Variants in CPEB3 observed in about 807,000 individuals in gnomAD.
The protein encoded by CPEB3 is cytoplasmic polyadenylation element-binding protein 3.
CPEB3 carries 20 observed loss-of-function variants against 67.2 expected under a neutral mutation model. That is an observed-to-expected ratio of 0.30 (90% confidence interval 0.21 to 0.43). The LOEUF is 0.43. CPEB3 is among the 20% of genes least tolerant of loss of function. The probability of loss-of-function intolerance (pLI) is 1.00; values close to 1 mark genes in which losing one functional copy is unlikely to be tolerated. For synonymous variants in CPEB3, 376 were observed against 393.1 expected, an observed-to-expected ratio of 0.96 and a Z score of 0.51; for missense variants, 746 against 968.6, an observed-to-expected ratio of 0.77 and a Z score of 3.05.
chr10:92,239,305 G>A lies in CPEB3; in HGVS notation c.1005+41C>T, dbSNP rs766492956. ...AAGTCAGAGAAGTGGCAAAAGGAGCGGGGCAGAGGGAAGGAGTGTGTAGGT... is the reference window on the plus strand; with the variant it reads ...AAGTCAGAGAAGTGGCAAAAGGAGCAGGGCAGAGGGAAGGAGTGTGTAGGT... On this transcript the variant is annotated intron_variant, in intron 2 of 9. Transcript: ENST00000265997. The surrounding 1 kb of genome is among the most constrained non-coding windows in gnomAD (Gnocchi z 6.0). 1 of 1,577,418 alleles carries A rather than the reference G, an allele frequency of 6.3e-7. No individual in the cohort carries two copies.
At position 92,231,014 on chromosome 10, in the gene CPEB3, T is replaced by C. The variant is rs113568753; in HGVS notation, c.1005+8332A>G. On this transcript the variant is annotated intron_variant, in intron 2 of 9. Coordinates refer to ENST00000265997, the MANE Select transcript of CPEB3 (RefSeq NM_014912.5). Reference sequence around the variant, plus strand: ...ACCAACAAAATCAACCCAACCCTTATAGCAGTCAGAAAATTAAGAGTTTAA... The same window carrying C: ...ACCAACAAAATCAACCCAACCCTTACAGCAGTCAGAAAATTAAGAGTTTAA... Among the ~76,000 whole-genome samples the C allele has an allele frequency of 2.4e-3, 369 of 152,300 alleles. 2 individuals carry two copies. The highest frequency in any genetic ancestry group is 7.9e-3 in the African/African-American group (327 of 41,582).
intron 6 of CPEB3, among the ~76,000 whole-genome samples, chr10:92,116,262 AAAAAAT>A (rs1465955611): frequency 7.2e-6 from 1 of 138,784 alleles, no homozygotes; most frequent in Non-Finnish European, 1.6e-5. Flanking sequence ...TAAAAAAAAA[AAAAAAT>A]AATAATAATA....
chr10:92,119,232 CT>C, intron 6 of CPEB3: 1 of 1,580,326 alleles, frequency 6.3e-7, no homozygotes, highest in Non-Finnish European at 8.7e-7. Context: ...GTTTGTCACT[CT>C]TATCTCCAGC....
At chr10:92,083,171 CTATTTTTAACAGGAA>C (rs1197398812) in intron 8 of CPEB3, among the ~76,000 whole-genome samples, 2 of 152,136 alleles carry the variant, frequency 1.3e-5, no homozygotes, top group African/African-American at 4.8e-5. Context: ...TTCTAAGTGC[CTATTTTTAACAGGAA>C]GGACAACCTA....
At chr10:92,160,009 C>T (rs187180635) in intron 4 of CPEB3, among the ~76,000 whole-genome samples, 16 of 151,566 alleles carry the variant, frequency 1.1e-4, no homozygotes, top group Admixed American at 2.6e-4. Context: ...TGCAGTGGCA[C>T]GATCTCGGCT....
At chr10:92,269,432 T>G (rs2134976385) in intron 1 of CPEB3, among the ~76,000 whole-genome samples, 1 of 152,288 alleles carries the variant, frequency 6.6e-6, no homozygotes, top group Admixed American at 6.5e-5. Context: ...GAATATAGAG[T>G]ATTTTTATTA....
At chr10:92,101,792 CA>C (rs1289122731) in intron 7 of CPEB3, among the ~76,000 whole-genome samples, 1 of 152,114 alleles carries the variant, frequency 6.6e-6, no homozygotes, top group Non-Finnish European at 1.5e-5. Flanking sequence ...CCTGAAATCC[CA>C]GCTACTTAGG....
intron 8 of CPEB3, 119 bp from the exon 9 acceptor site, chr10:92,081,620 A>G: frequency 1.2e-6 from 1 of 855,604 alleles, no homozygotes; most frequent in Non-Finnish European, 1.8e-6. Context: ...AACCCATGTT[A>G]AGTATCATGA....
At chr10:92,098,160 T>TAAAAAAAAAAAA (rs1166249584) in intron 7 of CPEB3, among the ~76,000 whole-genome samples, 3 of 36,126 alleles carry the variant, frequency 8.3e-5, no homozygotes, top group African/African-American at 1.1e-4. Context: ...ACACTCTGCC[T>TAAAAAAAAAAAA]AAAAAAAAAA....
chr10:92,168,772 G>A (rs987103591), intron 4 of CPEB3, among the ~76,000 whole-genome samples: 6 of 145,634 alleles, frequency 4.1e-5, no homozygotes, highest in East Asian at 2.2e-4. Context: ...AGAGCTGTGA[G>A]TCAATTAAAC....
At chr10:92,207,390 C>G (rs1036300286) in intron 2 of CPEB3, among the ~76,000 whole-genome samples, 9 of 152,156 alleles carry the variant, frequency 5.9e-5, no homozygotes, top group African/African-American at 1.9e-4. Context: ...GAATAATTCT[C>G]AACCTGGAGA....
intron 5 of CPEB3, among the ~76,000 whole-genome samples, chr10:92,144,343 C>T (rs777903703): frequency 3.9e-5 from 6 of 152,122 alleles, no homozygotes; most frequent in Non-Finnish European, 7.4e-5. Flanking sequence ...ATGATCATAG[C>T]TCACTGTAAC....
intron 2 of CPEB3, among the ~76,000 whole-genome samples, chr10:92,207,169 G>A (rs1274778049): frequency 6.6e-6 from 1 of 152,034 alleles, no homozygotes; most frequent in Non-Finnish European, 1.5e-5. Flanking sequence ...TTTTTGTAGA[G>A]ACAGGGTTTT....
rs1202757248 is a variant in CPEB3 at position 92,242,244 on chromosome 10, C to T, written c.-11-1883G>A. On this transcript the variant is annotated intron_variant, in intron 1 of 9. Coordinates refer to ENST00000265997, the MANE Select transcript of CPEB3 (RefSeq NM_014912.5). Reference sequence around the variant, plus strand: ...ATTCCTCATTCCCCTGCCTTTCCTCCCTTCAACCCCCCCAGGGAAAAAAAC... The same window carrying T: ...ATTCCTCATTCCCCTGCCTTTCCTCTCTTCAACCCCCCCAGGGAAAAAAAC... Among the ~76,000 whole-genome samples, 10 of 152,274 alleles carry T rather than the reference C, an allele frequency of 6.6e-5. No individual in the cohort carries two copies. In the East Asian group the frequency reaches 9.6e-4, roughly 15 times the overall value.
At chr10:92,286,377 G>A (rs535062546) in intron 1 of CPEB3, among the ~76,000 whole-genome samples, 1 of 152,078 alleles carries the variant, frequency 6.6e-6, no homozygotes, top group South Asian at 2.1e-4. Flanking sequence ...TTGAGGTCAG[G>A]AGTTCAAGAC....
At chr10:92,277,678 G>C (rs1842050862) in intron 1 of CPEB3, among the ~76,000 whole-genome samples, 1 of 152,090 alleles carries the variant, frequency 6.6e-6, no homozygotes, top group African/African-American at 2.4e-5. Context: ...ATCATTTGAG[G>C]TCAGGAGTTC....
chr10:92,132,160 T>G (rs540111968), intron 6 of CPEB3, among the ~76,000 whole-genome samples: 6 of 152,316 alleles, frequency 3.9e-5, no homozygotes, highest in African/African-American at 9.6e-5. Flanking sequence ...AAGTGCTCAT[T>G]AGCTACATAC....
At chr10:92,162,801 C>T (rs976372918) in intron 4 of CPEB3, among the ~76,000 whole-genome samples, 1 of 152,114 alleles carries the variant, frequency 6.6e-6, no homozygotes, top group African/African-American at 2.4e-5. Context: ...CATTCTTATA[C>T]ATGTGACTCC....
intron 2 of CPEB3, among the ~76,000 whole-genome samples, chr10:92,200,434 A>G (rs1031262057): frequency 6.6e-6 from 1 of 151,366 alleles, no homozygotes; most frequent in African/African-American, 2.4e-5. Context: ...AATCCCAGCT[A>G]CTTGGGAGGC....
Sources: gnomAD v4.1 joint callset for allele counts (sites outside exome capture counted in the v4.1 genomes callset) on GRCh38, gnomAD v4.1.1 for gene constraint, Gnocchi (gnomAD v3.1) non-coding constraint, MANE v1.5 for transcripts, NCBI Gene and HGNC (gene_info 2026-07-23, HGNC 2026-07-21) for gene names.